The following DNAAF9 variants were observed in gnomAD, a reference collection of about 807,000 sequenced individuals.
The protein encoded by DNAAF9 is dynein axonemal assembly factor 9.
Under a neutral mutation model 167.0 loss-of-function variants are expected in DNAAF9, and 90 were observed. That is an observed-to-expected ratio of 0.54 (90% CI 0.45 to 0.64). The LOEUF (loss-of-function observed/expected upper bound fraction) is 0.64, where lower values mean the gene tolerates loss of function less well. Among genes scored for constraint, DNAAF9 ranks in the 30% least tolerant of loss-of-function variants. The probability of loss-of-function intolerance (pLI) is 0.00; values close to 1 mark genes in which losing one functional copy is unlikely to be tolerated. For missense variants in DNAAF9, 1,315 were observed against 1,442.2 expected, an observed-to-expected ratio of 0.91 and a Z score of 1.43; for synonymous variants, 491 against 508.8, an observed-to-expected ratio of 0.96 and a Z score of 0.47.
chr20:3,262,775 C>T (rs769749904), intron 31 of DNAAF9, among the ~76,000 whole-genome samples: 1 of 152,116 alleles, frequency 6.6e-6, no homozygotes, highest in Non-Finnish European at 1.5e-5. Flanking sequence ...CCCCCAGAAG[C>T]TCCATTTGTT....
At chr20:3,374,853 A>G (rs1281308956) in intron 5 of DNAAF9, among the ~76,000 whole-genome samples, 177 bp downstream of exon 5, 2 of 152,194 alleles carry the variant, frequency 1.3e-5, no homozygotes, top group Non-Finnish European at 2.9e-5. Context: ...GAAACTTCAC[A>G]GTAATTAATA....
Position 3,401,680 on chromosome 20 carries a change from G to A in DNAAF9, c.83+5795C>T, listed in dbSNP as rs77330071. ...AGTTCATACTCAGCGAGTCCTATGT[G>A]CCAGACACCAATCTAAGCAGCAAGG... On this transcript the variant is annotated intron_variant, in intron 1 of 36. Coordinates refer to ENST00000252032, the MANE Select transcript of DNAAF9 (RefSeq NM_001009984.3). Among the ~76,000 whole-genome samples the A allele has an allele frequency of 2.6e-3, 398 of 152,260 alleles. 4 individuals carry two copies. Among genetic ancestry groups the A allele is most frequent in the East Asian group, 0.017 (90 of 5,188 alleles).
At chr20:3,364,288 C>A (rs75165512) in intron 6 of DNAAF9, among the ~76,000 whole-genome samples, 2,150 of 152,226 alleles carry the variant, frequency 0.014, 54 homozygotes, top group African/African-American at 0.049. Flanking sequence ...GCCTGATGAT[C>A]TCTGGATGCC....
intron 8 of DNAAF9, 109 bp from the exon 9 acceptor site, chr20:3,343,840 CGTGT>C (rs10582105): frequency 0.19 from 125,803 of 649,192 alleles, 12,456 homozygotes; most frequent in African/African-American, 0.35. Flanking sequence ...GAGTGCACAG[CGTGT>C]GTGTGTGTGT....
At chr20:3,347,136 G>T (rs2070208136) in intron 8 of DNAAF9, among the ~76,000 whole-genome samples, 1 of 151,902 alleles carries the variant, frequency 6.6e-6, no homozygotes, top group African/African-American at 2.4e-5. Flanking sequence ...AAAAAAAAAG[G>T]CCTGCTTATA....
At chr20:3,379,478 C>T (rs1243609344) in intron 3 of DNAAF9, among the ~76,000 whole-genome samples, 1 of 151,914 alleles carries the variant, frequency 6.6e-6, no homozygotes, top group Non-Finnish European at 1.5e-5. Context: ...CCTGTAATCC[C>T]AGCTGCTCGG....
At chr20:3,404,816 A>T (rs750150400) in intron 1 of DNAAF9, among the ~76,000 whole-genome samples, 1 of 152,252 alleles carries the variant, frequency 6.6e-6, no homozygotes, top group African/African-American at 2.4e-5. Flanking sequence ...AGTATCTTTC[A>T]GCTAGATTTC....
chr20:3,308,341 CT>C (rs35610785), intron 20 of DNAAF9, among the ~76,000 whole-genome samples: 47,677 of 104,584 alleles, frequency 0.46, 8,648 homozygotes, highest in Admixed American at 0.52. Context: ...CAAAACTTTA[CT>C]TTTTTTTTTT....
In DNAAF9 at chr20:3,374,029, T is replaced by C; in HGVS notation, c.612+19A>G. 6.7e-7 allele frequency: 1 copy of C among 1,495,920 alleles called. No homozygotes were observed. The highest frequency in any genetic ancestry group is 9.3e-7 in the Non-Finnish European group (1 of 1,072,228). 92.7% of individuals were successfully genotyped at this position (1,495,920 alleles called of 1,614,324 possible). A position where few individuals can be genotyped will look rare whatever the true frequency, so the allele number is the denominator to read the frequency against. ...CCCAGTGGCAGACAAAAACTAGGCA[T>C]ACTGCTTTTCATACATACCTCATAT... On this transcript the variant is annotated intron_variant, in intron 6 of 36. Coordinates refer to ENST00000252032, the MANE Select transcript of DNAAF9 (RefSeq NM_001009984.3).
At position 3,403,386 on chromosome 20, in the gene DNAAF9, C is replaced by A. The variant is rs139202298; in HGVS notation, c.83+4089G>T. ...CTCTTCATTTTTAGCTGAAGACCTT[C>A]CTTCTTATTTACCTGAGAATACAGA... On this transcript the variant is annotated intron_variant, in intron 1 of 36. Transcript: ENST00000252032. Among the ~76,000 whole-genome samples the A allele has an allele frequency of 8.5e-4, 129 of 151,966 alleles. 1 individual carries two copies. The highest frequency in any genetic ancestry group is 2.9e-3 in the African/African-American group (122 of 41,390).
intron 20 of DNAAF9, among the ~76,000 whole-genome samples, chr20:3,314,197 C>A (rs992322217): frequency 1.3e-5 from 2 of 152,058 alleles, no homozygotes; most frequent in African/African-American, 4.8e-5. Context: ...TGAGCTTGAT[C>A]ATGAGATTTT....
intron 28 of DNAAF9, among the ~76,000 whole-genome samples, chr20:3,280,183 C>A (rs981214762): frequency 6.6e-6 from 1 of 152,140 alleles, no homozygotes; most frequent in Admixed American, 6.6e-5. Context: ...TACAGCCACA[C>A]CAGAGTCTCC....
At chr20:3,273,262 A>C (rs543773566) in intron 29 of DNAAF9, among the ~76,000 whole-genome samples, 1 of 152,312 alleles carries the variant, frequency 6.6e-6, no homozygotes, top group South Asian at 2.1e-4. Context: ...CTATACTGAT[A>C]CTATTTACTT....
intron 1 of DNAAF9, among the ~76,000 whole-genome samples, chr20:3,392,724 G>A (rs1015654151): frequency 6.6e-6 from 1 of 151,964 alleles, no homozygotes; most frequent in Non-Finnish European, 1.5e-5. Flanking sequence ...TCATTATCTT[G>A]CTTCCCTGGA....
rs148653698 is a variant in DNAAF9 at position 3,298,811 on chromosome 20, C to T, written c.1783-636G>A. Among the ~76,000 whole-genome samples, 625 of 151,994 alleles carry T rather than the reference C, an allele frequency of 4.1e-3. 8 individuals carry two copies. Among genetic ancestry groups the T allele is most frequent in the African/African-American group, 0.014 (590 of 41,442 alleles). On this transcript the variant is annotated intron_variant, in intron 21 of 36. Transcript: ENST00000252032. ...TTTACATATTTTTTCATTTGCTGTCCGTGCTTTTGGTATCACATTCAAGAA... is the reference window on the plus strand; with the variant it reads ...TTTACATATTTTTTCATTTGCTGTCTGTGCTTTTGGTATCACATTCAAGAA...
chr20:3,322,648 G>T lies in DNAAF9; in HGVS notation c.1310+4C>A. 1 of 1,607,278 alleles carries T rather than the reference G, an allele frequency of 6.2e-7. No individual in the cohort carries two copies. The highest frequency in any genetic ancestry group is 8.5e-7 in the Non-Finnish European group (1 of 1,173,794). On this transcript the variant is annotated splice_donor_region_variant and intron_variant, in intron 15 of 36. Coordinates refer to ENST00000252032, the MANE Select transcript of DNAAF9 (RefSeq NM_001009984.3). The stretch of plus-strand genomic sequence containing the variant: ...GTAAGGATGCACCACAATCATATAC[G>T]CACCTTCCCTGATTATTCACAGCAT...
chr20:3,265,438 G>A (rs906353719), intron 30 of DNAAF9, among the ~76,000 whole-genome samples: 14 of 150,880 alleles, frequency 9.3e-5, no homozygotes, highest in Non-Finnish European at 1.8e-4. Context: ...GTGGTGGCAC[G>A]CGCCTGTAGT....
chr20:3,316,890 CT>C (rs11424663), intron 17 of DNAAF9, 97 bp from the exon 18 acceptor site: 22,536 of 248,418 alleles, frequency 0.091, no homozygotes, highest in South Asian at 0.14. Context: ...AGCTAGGGTT[CT>C]TTTTTTTTTT....
At position 3,259,504 on chromosome 20, in the gene DNAAF9, T is replaced by G. The variant is rs2068342223; in HGVS notation, c.3031A>C (p.Ile1011Leu). ...CCTGAAAACTTCACTTTGCCCAGGATGTGGTAGATGTTTCCGGAGAAGGGA... is the reference window on the plus strand; with the variant it reads ...CCTGAAAACTTCACTTTGCCCAGGAGGTGGTAGATGTTTCCGGAGAAGGGA... ...PSPFSGNIYH[I>L]LGKVKFSDSE... Residue 1011 changes from isoleucine (I) to leucine (L), a missense_variant, in exon 33 of 37, where the codon ATC becomes CTC. Ile to Leu is a conservative substitution (Grantham distance 5). Around this residue, in one of 2 missense-constraint regions of DNAAF9, gnomAD observed 334 missense variants for 429.7 expected, o/e 0.78. Transcript: ENST00000252032. 6.2e-7 allele frequency: 1 copy of G among 1,610,692 alleles called. No homozygotes were observed. Among genetic ancestry groups the G allele is most frequent in the African/African-American group, 1.3e-5 (1 of 74,810 alleles).
Sources: gnomAD v4.1 joint callset for allele counts (sites outside exome capture counted in the v4.1 genomes callset) on GRCh38, gnomAD v4.1.1 for gene constraint, gnomAD v4.1.1 regional missense constraint, MANE v1.5 for transcripts, NCBI Gene and HGNC (gene_info 2026-07-23, HGNC 2026-07-21) for gene names.